The following DLGAP2 variants were observed in gnomAD, a reference collection of about 807,000 sequenced individuals.
DLGAP2 encodes the protein disks large-associated protein 2.
A neutral mutation model predicts 100.3 loss-of-function variants in DLGAP2; 26 were observed. The observed-to-expected ratio is 0.26, with a 90% CI of 0.19 to 0.36. DLGAP2 has a LOEUF of 0.36. Ranked by LOEUF, DLGAP2 falls within the 10% of genes least tolerant of loss-of-function variation. The pLI is 1.00. For missense variants in DLGAP2, 1,858 were observed against 1,453.2 expected (o/e 1.28, Z -4.53); for synonymous variants, 886 against 630.1 (o/e 1.41, Z -6.08).
At chr8:916,982 G>A (rs1390274088) in intron 2 of DLGAP2, among the ~76,000 whole-genome samples, 1 of 152,210 alleles carries the variant, frequency 6.6e-6, no homozygotes, top group Non-Finnish European at 1.5e-5. Context: ...GACTGGAAGG[G>A]CCTCCTCTCT....
intron 3 of DLGAP2, among the ~76,000 whole-genome samples, chr8:1,356,978 C>T (rs1313189393): frequency 6.6e-6 from 1 of 152,218 alleles, no homozygotes; most frequent in African/African-American, 2.4e-5. Context: ...AGGCTGTGCT[C>T]ATAACCTGGA....
chr8:856,188 T>TTCTTCTTCTTCTTCTTC (rs1218302818), intron 1 of DLGAP2, among the ~76,000 whole-genome samples: 439 of 44,620 alleles, frequency 9.8e-3, no homozygotes, highest in African/African-American at 0.025. Flanking sequence ...TCTTCTTCTT[T>TTCTTCTTCTTCTTCTTC]TTTTTTTTTT....
At chr8:899,690 T>G (rs1162234177) in intron 1 of DLGAP2, among the ~76,000 whole-genome samples, 1 of 152,236 alleles carries the variant, frequency 6.6e-6, no homozygotes, top group Non-Finnish European at 1.5e-5. Flanking sequence ...ATGCCACATA[T>G]TCTAGAAACA....
At chr8:1,262,896 AT>A (rs55668624) in intron 3 of DLGAP2, among the ~76,000 whole-genome samples, 29,860 of 152,026 alleles carry the variant, frequency 0.2, 2,996 homozygotes, top group Admixed American at 0.25. Context: ...CAGTTCATGG[AT>A]TTGTCTGTTG....
chr8:1,290,588 G>A (rs1800035967), intron 3 of DLGAP2, among the ~76,000 whole-genome samples: 1 of 152,190 alleles, frequency 6.6e-6, no homozygotes, highest in Non-Finnish European at 1.5e-5. Context: ...TGCTCCCATG[G>A]GGAGACAGCG....
chr8:1,229,703 G>T (rs1253430112), intron 2 of DLGAP2, among the ~76,000 whole-genome samples: 1 of 152,218 alleles, frequency 6.6e-6, no homozygotes, highest in South Asian at 2.1e-4. Context: ...TGGGATGCAA[G>T]GTTGGTTCAG....
intron 2 of DLGAP2, among the ~76,000 whole-genome samples, chr8:967,869 T>C (rs1329191125): frequency 1.2e-5 from 1 of 81,594 alleles, no homozygotes; most frequent in Non-Finnish European, 2.3e-5. Flanking sequence ...TATATATATA[T>C]ATATAAATAC....
chr8:1,628,466 G>A (rs1477097348), intron 7 of DLGAP2, among the ~76,000 whole-genome samples: 1 of 122,086 alleles, frequency 8.2e-6, no homozygotes, highest in African/African-American at 3.4e-5. Context: ...GGAATTAAGA[G>A]CCTGAGCTGA....
rs749612837 is a variant in DLGAP2, at chr8:864,743, C to T, written c.19-43169C>T. Reference sequence around the variant, plus strand: ...CTGTTTCAGAAGCAGGTGCACCTGTCGATGGGAGGCCCATGGGAGCTGCCA... The same window carrying T: ...CTGTTTCAGAAGCAGGTGCACCTGTTGATGGGAGGCCCATGGGAGCTGCCA... On this transcript the variant is annotated intron_variant, in intron 1 of 14. Coordinates refer to ENST00000637795, the MANE Select transcript of DLGAP2 (RefSeq NM_001346810.2). Among the ~76,000 whole-genome samples the T allele has an allele frequency of 1.8e-4, 28 of 152,214 alleles. 1 individual carries two copies. The highest frequency in any genetic ancestry group is 3.3e-4 in the Admixed American group (5 of 15,290).
intron 2 of DLGAP2, among the ~76,000 whole-genome samples, chr8:1,104,048 C>T (rs192825047): frequency 7.2e-5 from 11 of 152,278 alleles, no homozygotes; most frequent in African/African-American, 1.2e-4. Flanking sequence ...CAGGATTGCT[C>T]GGCCGGCTCG....
chr8:1,060,331 TTGGTCCCTCCGCTGAGTGC>T (rs1803040440), intron 2 of DLGAP2, among the ~76,000 whole-genome samples: 1 of 146,456 alleles, frequency 6.8e-6, no homozygotes, highest in South Asian at 2.2e-4. Context: ...CCTGAGGGCG[TTGGTCCCTCCGCTGAGTGC>T]TTGTGGATAG....
Position 1,435,318 on chromosome 8 carries a change from C to A in DLGAP2, c.107-66048C>A, listed in dbSNP as rs1422393368. 3.3e-5 allele frequency among the ~76,000 whole-genome samples: 5 copies of A among 152,172 alleles called. No homozygotes were observed. In the East Asian group the frequency reaches 5.8e-4, roughly 18 times the overall value. On this transcript the variant is annotated intron_variant, in intron 3 of 14. Coordinates refer to ENST00000637795, the MANE Select transcript of DLGAP2 (RefSeq NM_001346810.2). ...TCGGAAGCAGGCAAGGGCTTTATAA[C>A]CTCCCACACCGGCGCTTTGACTACA... is the stretch of plus-strand genomic sequence containing the variant.
chr8:953,280 C>T (rs966016583), intron 2 of DLGAP2, among the ~76,000 whole-genome samples: 4 of 152,082 alleles, frequency 2.6e-5, no homozygotes, highest in Non-Finnish European at 4.4e-5. Context: ...CTGCAACCTC[C>T]GCCTCCCAGG....
rs987410636 is a variant in DLGAP2, at chr8:1,706,568, G to A, written c.*5162G>A. On this transcript the variant is annotated 3_prime_UTR_variant, in exon 15 of 15. Transcript: ENST00000637795. ...TTGGAAATGCAGAAATAACTACAAGGGCCATTCTCCTTAGCTTCTGGCTTT... is the reference window on the plus strand; with the variant it reads ...TTGGAAATGCAGAAATAACTACAAGAGCCATTCTCCTTAGCTTCTGGCTTT... The A allele has an allele frequency of 1.3e-5, 2 of 152,028 alleles. No individual in the cohort carries two copies. Among genetic ancestry groups the A allele is most frequent in the Non-Finnish European group, 2.9e-5 (2 of 68,030 alleles). The allele number at this position is 152,028 out of a possible 1,614,324, so 9.4% of individuals were successfully genotyped here.
chr8:1,669,165 C>T (rs1456000679), intron 9 of DLGAP2, among the ~76,000 whole-genome samples: 1 of 152,196 alleles, frequency 6.6e-6, no homozygotes, highest in Non-Finnish European at 1.5e-5. Context: ...AGAAATTGGA[C>T]GTGCTCACAG....
At chr8:1,568,643 C>T (rs1239905158) in intron 6 of DLGAP2, among the ~76,000 whole-genome samples, 37 of 116,212 alleles carry the variant, frequency 3.2e-4, no homozygotes, top group African/African-American at 3.7e-4. Flanking sequence ...CGTCTCTGCC[C>T]GTGGCCCCCA....
At chr8:1,520,770 A>G (rs1017362836) in intron 4 of DLGAP2, among the ~76,000 whole-genome samples, 6 of 152,316 alleles carry the variant, frequency 3.9e-5, no homozygotes, top group African/African-American at 1.4e-4. Flanking sequence ...TCACCTCCTG[A>G]AGGACATCTT....
chr8:1,117,711 G>A (rs1271087352), intron 2 of DLGAP2, among the ~76,000 whole-genome samples: 3 of 152,126 alleles, frequency 2.0e-5, no homozygotes, highest in East Asian at 1.9e-4. Flanking sequence ...AGGGGGAGGC[G>A]GCTGTTCTCC....
At chr8:1,223,674 A>T (rs1798360893) in intron 2 of DLGAP2, among the ~76,000 whole-genome samples, 1 of 152,214 alleles carries the variant, frequency 6.6e-6, no homozygotes, top group African/African-American at 2.4e-5. Flanking sequence ...TCTGAAAGGG[A>T]AGAGCAAGAC....
Sources: gnomAD v4.1 joint callset for allele counts (sites outside exome capture counted in the v4.1 genomes callset) on GRCh38, gnomAD v4.1.1 for gene constraint, MANE v1.5 for transcripts, NCBI Gene and HGNC (gene_info 2026-07-23, HGNC 2026-07-21) for gene names.